The following ROBO2 variants were observed in gnomAD, a reference collection of about 807,000 sequenced individuals.
The protein encoded by ROBO2 is roundabout guidance receptor 2.
Under a neutral mutation model 160.8 loss-of-function variants are expected in ROBO2, and 53 were observed. The ratio of observed to expected loss-of-function variants is 0.33; its 90% CI spans 0.26 to 0.41. The LOEUF (loss-of-function observed/expected upper bound fraction) is 0.41. ROBO2 is among the 10% of genes least tolerant of loss of function. ROBO2 has a pLI of 1.00. For missense variants in ROBO2, 1,577 were observed against 1,722.4 expected, an observed-to-expected ratio of 0.92 and a Z score of 1.49; for synonymous variants, 664 against 611.7, an observed-to-expected ratio of 1.09 and a Z score of -1.26.
At chr3:76,769,130 C>G (rs757223240) in intron 2 of ROBO2, among the ~76,000 whole-genome samples, 59 of 151,554 alleles carry the variant, frequency 3.9e-4, no homozygotes, top group South Asian at 1.0e-3. Flanking sequence ...CACAAGTTTC[C>G]TTGACAGACC....
At chr3:77,110,724 C>T (rs1488709587) in intron 2 of ROBO2, among the ~76,000 whole-genome samples, 4 of 151,500 alleles carry the variant, frequency 2.6e-5, no homozygotes, top group Non-Finnish European at 5.9e-5. Flanking sequence ...GGCAAGTTCT[C>T]ACTCTGTCAC....
chr3:76,905,715 C>CTTT (rs1383903300), intron 2 of ROBO2, among the ~76,000 whole-genome samples: 14 of 152,064 alleles, frequency 9.2e-5, no homozygotes, highest in Non-Finnish European at 1.2e-4. Flanking sequence ...TAATGAGAAT[C>CTTT]TTTTGTTGTA....
At chr3:76,264,565 C>G (rs185613814) in intron 2 of ROBO2, among the ~76,000 whole-genome samples, 191 of 151,994 alleles carry the variant, frequency 1.3e-3, no homozygotes, top group African/African-American at 4.5e-3. Context: ...TTGTCTAAGC[C>G]CTCTTCTGGT....
intron 2 of ROBO2, among the ~76,000 whole-genome samples, chr3:76,223,324 T>A (rs1704087870): frequency 6.6e-6 from 1 of 151,724 alleles, no homozygotes. Flanking sequence ...CCTGGGGCAA[T>A]GCGGGGTTAA....
rs560041544 is a variant in ROBO2, at chr3:77,561,703, T to A, written c.1438-948T>A. ...TCAGCTTGAAATTGCAGTCACTCCA[T>A]AGCCACATTTTTTTAATGATACTTT... On this transcript the variant is annotated intron_variant, in intron 9 of 25. Coordinates refer to ENST00000461745, the Ensembl canonical transcript of ROBO2. Among the ~76,000 whole-genome samples, 17 of 152,294 alleles carry A rather than the reference T, an allele frequency of 1.1e-4. No individual in the cohort carries two copies. The South Asian group carries it at 3.5e-3, about 32-fold the overall frequency.
chr3:76,358,361 T>G (rs1352212969), intron 2 of ROBO2, among the ~76,000 whole-genome samples: 1 of 152,064 alleles, frequency 6.6e-6, no homozygotes, highest in Non-Finnish European at 1.5e-5. Flanking sequence ...CTTTTCCCTG[T>G]CTCATCTAGT....
At chr3:76,857,146 C>A (rs1022228860) in intron 2 of ROBO2, among the ~76,000 whole-genome samples, 2 of 151,984 alleles carry the variant, frequency 1.3e-5, no homozygotes, top group African/African-American at 4.8e-5. Flanking sequence ...CCACCACGCC[C>A]GGATAATTTT....
At chr3:77,595,077 T>A in intron 17 of ROBO2, 65 bp from the exon 19 acceptor site, 3 of 1,263,848 alleles carry the variant, frequency 2.4e-6, no homozygotes, top group Non-Finnish European at 2.3e-6. Context: ...TATGTAGTTG[T>A]TATTAATTGT....
At chr3:77,596,307 TTCCCTTGTGG>T (rs1313779603) in intron 18 of ROBO2, among the ~76,000 whole-genome samples, 1 of 152,158 alleles carries the variant, frequency 6.6e-6, no homozygotes, top group Non-Finnish European at 1.5e-5. Flanking sequence ...TGAGCAGTTG[TTCCCTTGTGG>T]TGCCAATGTA....
intron 2 of ROBO2, among the ~76,000 whole-genome samples, chr3:77,274,969 C>T (rs1385334395): frequency 1.3e-5 from 2 of 152,060 alleles, no homozygotes; most frequent in Non-Finnish European, 2.9e-5. Flanking sequence ...TAGAGGATAA[C>T]ATTCTTTTGG....
At chr3:76,422,196 A>G (rs1348593309) in intron 2 of ROBO2, among the ~76,000 whole-genome samples, 1 of 152,186 alleles carries the variant, frequency 6.6e-6, no homozygotes, top group Non-Finnish European at 1.5e-5. Context: ...TATATATTCA[A>G]AACAGGACCT....
rs1199014638 is a variant in ROBO2, at chr3:76,400,607, G to T, written c.109+463005G>T. Among the ~76,000 whole-genome samples the T allele has an allele frequency of 1.3e-5, 2 of 151,504 alleles. 1 individual carries two copies. Among genetic ancestry groups the T allele is most frequent in the Non-Finnish European group, 3.0e-5 (2 of 67,686 alleles). On this transcript the variant is annotated intron_variant, in intron 2 of 26. Transcript: ENST00000487694. Reference sequence around the variant, plus strand: ...ATTTGTAAGATTGAAAAAATAAACTGTGAGTAGTATAGCAAGATATCAGAA... The same window carrying T: ...ATTTGTAAGATTGAAAAAATAAACTTTGAGTAGTATAGCAAGATATCAGAA...
intron 2 of ROBO2, among the ~76,000 whole-genome samples, chr3:76,904,987 T>C (rs2075496077): frequency 6.6e-6 from 1 of 152,228 alleles, no homozygotes; most frequent in Non-Finnish European, 1.5e-5. Context: ...ATTAAGTTTT[T>C]TGTTTGTTTT....
chr3:77,430,596 GCTTTTTAGATGGTTAGTGAC>G (rs2078669454), intron 2 of ROBO2, among the ~76,000 whole-genome samples: 1 of 151,874 alleles, frequency 6.6e-6, no homozygotes, highest in Admixed American at 6.6e-5. Flanking sequence ...ATGAAGTGGG[GCTTTTTAGATGGTTAGTGAC>G]CTTATAAAGG....
intron 2 of ROBO2, among the ~76,000 whole-genome samples, chr3:76,301,761 A>G (rs1319917627): frequency 1.3e-5 from 2 of 152,118 alleles, no homozygotes; most frequent in African/African-American, 2.4e-5. Context: ...TTAGCTGGTC[A>G]TTGCTTCTGT....
chr3:77,158,708 C>T (rs566978420), intron 2 of ROBO2, among the ~76,000 whole-genome samples: 1 of 152,130 alleles, frequency 6.6e-6, no homozygotes, highest in South Asian at 2.1e-4. Flanking sequence ...TGCTGAATTG[C>T]CCTGGGGTTG....
intron 2 of ROBO2, among the ~76,000 whole-genome samples, chr3:76,039,331 A>AT: frequency 6.6e-6 from 1 of 151,840 alleles, no homozygotes; most frequent in East Asian, 1.9e-4. Context: ...AACATGGTCT[A>AT]TTTTTTTTAG....
At chr3:77,147,086 C>A (rs766097478) in intron 2 of ROBO2, among the ~76,000 whole-genome samples, 1 of 152,060 alleles carries the variant, frequency 6.6e-6, no homozygotes, top group Non-Finnish European at 1.5e-5. Flanking sequence ...ATTTTTTTAC[C>A]TAAGAAGAAA....
intron 2 of ROBO2, among the ~76,000 whole-genome samples, chr3:76,194,870 G>T (rs1198391431): frequency 1.3e-5 from 2 of 152,076 alleles, no homozygotes; most frequent in African/African-American, 4.8e-5. Context: ...CGCCCGCGTT[G>T]GTCTCTCAAA....
Sources: allele counts gnomAD v4.1 joint callset (sites outside exome capture counted in the v4.1 genomes callset), GRCh38; gene constraint gnomAD v4.1.1; transcripts MANE v1.5; gene names NCBI Gene and HGNC (gene_info 2026-07-23, HGNC 2026-07-21).